The following BCAS3 variants were observed in gnomAD, a reference collection of about 807,000 sequenced individuals.
The protein encoded by BCAS3 is BCAS4/BCAS3 fusion.
BCAS3 carries 53 observed loss-of-function variants against 116.1 expected under a neutral mutation model. The ratio of observed to expected loss-of-function variants is 0.46; its 90% confidence interval spans 0.37 to 0.57. BCAS3 has a LOEUF of 0.57. Among genes scored for constraint, BCAS3 ranks in the 20% least tolerant of loss-of-function variants. The probability of loss-of-function intolerance (pLI) is 0.00; values close to 1 mark genes in which losing one functional copy is unlikely to be tolerated. For synonymous variants in BCAS3, 391 were observed against 408.2 expected (o/e 0.96, Z 0.51); for missense variants, 917 against 1,165.4 (o/e 0.79, Z 3.10).
chr17:61,332,062 C>T lies in BCAS3; in HGVS notation c.2426-36265C>T, dbSNP rs768598765. 1.3e-5 allele frequency among the ~76,000 whole-genome samples: 2 copies of T among 152,160 alleles called. No homozygotes were observed. The highest frequency in any genetic ancestry group is 4.8e-5 in the African/African-American group (2 of 41,434). ...CGTGTCTGGTTTGGCATGTGGGTCT[C>T]GACCTCCCATGAGCAGGGCGAGGCT... On this transcript the variant is annotated intron_variant, in intron 22 of 23. Transcript: ENST00000407086. This position sits in a 1 kb window ranked among gnomAD's most constrained non-coding sequence, Gnocchi z 5.4.
At chr17:60,714,412 C>T (rs758955388) in intron 5 of BCAS3, among the ~76,000 whole-genome samples, 1 of 152,058 alleles carries the variant, frequency 6.6e-6, no homozygotes, top group Non-Finnish European at 1.5e-5. Flanking sequence ...TGTCTGTAAT[C>T]CCAGCACTTT....
At chr17:61,031,213 C>G (rs1035414229) in intron 16 of BCAS3, among the ~76,000 whole-genome samples, 7 of 151,900 alleles carry the variant, frequency 4.6e-5, no homozygotes, top group African/African-American at 1.7e-4. Context: ...GAGTGCTTTC[C>G]TATGAGGGTT....
intron 22 of BCAS3, among the ~76,000 whole-genome samples, chr17:61,288,232 G>A (rs181889310): frequency 6.6e-6 from 1 of 152,276 alleles, no homozygotes; most frequent in East Asian, 1.9e-4. Context: ...GGTCTTTGAT[G>A]GCTTGCTGTG....
At chr17:60,928,794 A>G (rs912095364) in intron 13 of BCAS3, among the ~76,000 whole-genome samples, 12 of 152,188 alleles carry the variant, frequency 7.9e-5, no homozygotes, top group African/African-American at 2.9e-4. Context: ...GGGGTTAGCC[A>G]TGGCTTCTAA....
Position 61,356,131 on chromosome 17 carries a change from A to T in BCAS3, c.2426-12196A>T, listed in dbSNP as rs544296682. On this transcript the variant is annotated intron_variant, in intron 22 of 23. Coordinates refer to ENST00000407086, the MANE Select transcript of BCAS3 (RefSeq NM_017679.5). This position sits in a 1 kb window ranked among gnomAD's most constrained non-coding sequence, Gnocchi z 5.4. Reference sequence around the variant, plus strand: ...TGCCTCAGCCTCCCGAGTAGCTGGGATTACAGGCGCCTGCCATCATGCCCG... The same window carrying T: ...TGCCTCAGCCTCCCGAGTAGCTGGGTTTACAGGCGCCTGCCATCATGCCCG... Among the ~76,000 whole-genome samples, 1 of 152,146 alleles carries T rather than the reference A, an allele frequency of 6.6e-6. No homozygotes were observed. The highest frequency in any genetic ancestry group is 2.1e-4 in the South Asian group (1 of 4,806).
intron 7 of BCAS3, chr17:60,810,736 G>A (rs2048731761): frequency 3.0e-6 from 2 of 664,092 alleles, no homozygotes; most frequent in Non-Finnish European, 5.6e-6. Context: ...GGTCACTGAT[G>A]ACACCAATGT....
chr17:60,741,506 ATCAT>A (rs1457860910), intron 5 of BCAS3, among the ~76,000 whole-genome samples: 4 of 152,226 alleles, frequency 2.6e-5, no homozygotes, highest in Non-Finnish European at 4.4e-5. Context: ...ATCCTGTACT[ATCAT>A]ACCTATCTGT....
In BCAS3 at chr17:61,067,527, G is replaced by A. The variant is rs146976213; in HGVS notation, c.2030-7393G>A. ...AGGTCAAAAGATCGAGACCATCCTGGCCAACATGGTGGAACCCCACCTCTA... is the reference window on the plus strand; with the variant it reads ...AGGTCAAAAGATCGAGACCATCCTGACCAACATGGTGGAACCCCACCTCTA... On this transcript the variant is annotated intron_variant, in intron 19 of 23. Transcript: ENST00000407086. 5.3e-3 allele frequency among the ~76,000 whole-genome samples: 783 copies of A among 148,842 alleles called. 5 individuals carry two copies. The highest frequency in any genetic ancestry group is 0.027 in the Middle Eastern group (8 of 292).
rs1285587895 is a variant in BCAS3, at chr17:61,362,013, C to CA, written c.2426-6313dup. On this transcript the variant is annotated intron_variant, in intron 22 of 23. Coordinates refer to ENST00000407086, the MANE Select transcript of BCAS3 (RefSeq NM_017679.5). The surrounding 1 kb of genome is among the most constrained non-coding windows in gnomAD (Gnocchi z 4.4). ...ATCTCTCCCAGAAACACCCCCCAGA[C>CA]ACACCCAGAAATAAGCCTTGCTGGC... Among the ~76,000 whole-genome samples the CA allele has an allele frequency of 7.9e-5, 12 of 152,212 alleles. No individual in the cohort carries two copies. The highest frequency in any genetic ancestry group is 7.9e-4 in the Admixed American group (12 of 15,282).
chr17:61,388,269 C>T lies in BCAS3; in HGVS notation c.2594-3708C>T, dbSNP rs1462010789. On this transcript the variant is annotated intron_variant, in intron 23 of 23. Transcript: ENST00000407086. The surrounding 1 kb of genome is among the most constrained non-coding windows in gnomAD (Gnocchi z 6.5). ...TTCCCTGTCCTCCTCCAGCAACCCA[C>T]CTGCATGGGGTCCCATCTGGCACTG... 4.4e-6 allele frequency: 1 copy of T among 229,816 alleles called. No individual in the cohort carries two copies. Among genetic ancestry groups the T allele is most frequent in the Non-Finnish European group, 8.6e-6 (1 of 116,180 alleles). 14.2% of individuals were successfully genotyped at this position (229,816 alleles called of 1,614,324 possible).
At chr17:60,975,726 T>C (rs2145369331) in intron 14 of BCAS3, among the ~76,000 whole-genome samples, 1 of 152,342 alleles carries the variant, frequency 6.6e-6, no homozygotes, top group Admixed American at 6.5e-5. Flanking sequence ...CTGCAATTAC[T>C]AATTTATTTT....
chr17:60,733,548 A>G (rs1477773701), intron 5 of BCAS3, among the ~76,000 whole-genome samples: 1 of 152,130 alleles, frequency 6.6e-6, no homozygotes, highest in Non-Finnish European at 1.5e-5. Context: ...AATTTTAAAT[A>G]CTGGATGTTT....
rs1277983045 is a variant in BCAS3, at chr17:61,034,535, A to G, written c.1638-131A>G. ...ACATAGTCTCACATCACCATTTATT[A>G]CTTAAGGCAAAATGCATGTTCATAC... On this transcript the variant is annotated intron_variant, in intron 16 of 23. Transcript: ENST00000407086. The surrounding 1 kb of genome is among the most constrained non-coding windows in gnomAD (Gnocchi z 5.0). 3 of 763,076 alleles carry G rather than the reference A, an allele frequency of 3.9e-6. No homozygotes were observed. Among genetic ancestry groups the G allele is most frequent in the African/African-American group, 3.6e-5 (2 of 55,140 alleles). The allele number at this position is 763,076 out of a possible 1,614,324, so 47.3% of individuals were successfully genotyped here. A position where few individuals can be genotyped will look rare whatever the true frequency, so the allele number is the denominator to read the frequency against.
At chr17:61,305,744 A>G (rs1043550662) in intron 22 of BCAS3, among the ~76,000 whole-genome samples, 25 of 152,106 alleles carry the variant, frequency 1.6e-4, no homozygotes, top group Admixed American at 5.9e-4. Context: ...AAAAATACAA[A>G]AATTAGCTGG....
intron 22 of BCAS3, among the ~76,000 whole-genome samples, chr17:61,292,468 G>A (rs568763701): frequency 2.1e-4 from 32 of 152,144 alleles, no homozygotes; most frequent in Admixed American, 5.9e-4. Context: ...CCTGGGCAAT[G>A]TGGCAAAACC....
rs971716342 is a variant in BCAS3 at position 61,104,332 on chromosome 17, A to C, written c.2425+19768A>C. Reference sequence around the variant, plus strand: ...TATTTTTCTGCTTTTATTTTTTAAAAACTTTTTAAAAAAAGTTTTTCATAT... The same window carrying C: ...TATTTTTCTGCTTTTATTTTTTAAACACTTTTTAAAAAAAGTTTTTCATAT... On this transcript the variant is annotated intron_variant, in intron 22 of 23. Coordinates refer to ENST00000407086, the MANE Select transcript of BCAS3 (RefSeq NM_017679.5). This position sits in a 1 kb window ranked among gnomAD's most constrained non-coding sequence, Gnocchi z 4.1. Among the ~76,000 whole-genome samples the C allele has an allele frequency of 3.3e-5, 5 of 152,160 alleles. No individual in the cohort carries two copies. The highest frequency in any genetic ancestry group is 7.2e-5 in the African/African-American group (3 of 41,430).
chr17:60,762,782 C>A (rs1438363215), intron 6 of BCAS3, among the ~76,000 whole-genome samples: 2 of 152,104 alleles, frequency 1.3e-5, no homozygotes, highest in Admixed American at 6.5e-5. Flanking sequence ...CTGTAAATTA[C>A]CTTGGTCGGT....
At chr17:61,237,443 C>T (rs2083150308) in intron 22 of BCAS3, among the ~76,000 whole-genome samples, 1 of 152,252 alleles carries the variant, frequency 6.6e-6, no homozygotes, top group Non-Finnish European at 1.5e-5. Context: ...TAAAAGCTGG[C>T]CATCCCCGCC....
chr17:61,329,771 C>G (rs918068832), intron 22 of BCAS3, among the ~76,000 whole-genome samples: 2 of 140,818 alleles, frequency 1.4e-5, no homozygotes, highest in African/African-American at 5.0e-5. Flanking sequence ...GGGGTTCCAT[C>G]CTACGTTCGT....
Sources: allele counts gnomAD v4.1 joint callset (sites outside exome capture counted in the v4.1 genomes callset), GRCh38; gene constraint gnomAD v4.1.1; non-coding constraint Gnocchi (gnomAD v3.1); transcripts MANE v1.5; gene names NCBI Gene and HGNC (gene_info 2026-07-23, HGNC 2026-07-21).